CDK5RAP3: variants seen among roughly 807,000 people sequenced by gnomAD.
The protein encoded by CDK5RAP3 is CDK5 regulatory subunit associated protein 3.
In CDK5RAP3, 58 loss-of-function variants were observed where a neutral mutation model predicts 73.3. The observed-to-expected ratio is 0.79, with a 90% CI of 0.64 to 0.98. The LOEUF (loss-of-function observed/expected upper bound fraction) is 0.98, where lower values mean the gene tolerates loss of function less well. Ranked by LOEUF, CDK5RAP3 falls within the 50% of genes least tolerant of loss-of-function variation. CDK5RAP3 has a pLI of 0.00. For missense variants in CDK5RAP3, 525 were observed against 615.8 expected (o/e 0.85, Z 1.56); for synonymous variants, 224 against 247.5 (o/e 0.91, Z 0.89).
intron 2 of CDK5RAP3, among the ~76,000 whole-genome samples, chr17:47,972,085 T>C (rs1201300821): frequency 8.9e-6 from 1 of 112,490 alleles, no homozygotes; most frequent in East Asian, 2.6e-4. Context: ...CCTTTTGCAT[T>C]ATGCCAGGAA....
Position 47,981,551 on chromosome 17 carries a change from A to G in CDK5RAP3, c.*49A>G, listed in dbSNP as rs909456251. The G allele has an allele frequency of 9.3e-6, 15 of 1,614,090 alleles. No individual in the cohort carries two copies. The highest frequency in any genetic ancestry group is 1.3e-5 in the Non-Finnish European group (15 of 1,180,020). On this transcript the variant is annotated 3_prime_UTR_variant, in exon 14 of 14. Transcript: ENST00000338399. ...CATCTTCTCCGCTTTTGGGATGAAGATGATAGCCAGGGCTGTTGTTTTGGG... is the reference window on the plus strand; with the variant it reads ...CATCTTCTCCGCTTTTGGGATGAAGGTGATAGCCAGGGCTGTTGTTTTGGG...
At chr17:47,970,844 C>A (rs2036241844), upstream of CDK5RAP3, 1 of 1,410,890 alleles carries the variant, frequency 7.1e-7, no homozygotes, top group Admixed American at 2.2e-5. Flanking sequence ...TCGAGCGCCG[C>A]CTGTCGCAAT....
intron 4 of CDK5RAP3, 72 bp downstream of exon 4, chr17:47,974,103 CT>C: frequency 5.9e-6 from 6 of 1,016,068 alleles, no homozygotes; most frequent in Non-Finnish European, 9.4e-6. Flanking sequence ...CCTCTGTGGT[CT>C]CTCTGAGGCT....
chr17:47,972,006 C>CA (rs1308809884), intron 2 of CDK5RAP3, among the ~76,000 whole-genome samples: 1 of 149,566 alleles, frequency 6.7e-6, no homozygotes, highest in African/African-American at 2.5e-5. Context: ...AAAAAGAAGA[C>CA]AAAAAACAGT....
chr17:47,972,345 G>C (rs533848487), intron 2 of CDK5RAP3, among the ~76,000 whole-genome samples: 9 of 152,332 alleles, frequency 5.9e-5, no homozygotes, highest in African/African-American at 2.2e-4. Flanking sequence ...CCTTAAGATG[G>C]TGTCTGTTTG....
At chr17:47,970,432 T>A, upstream of CDK5RAP3, 1 of 535,414 alleles carries the variant, frequency 1.9e-6, no homozygotes, top group Non-Finnish European at 3.4e-6. Context: ...CTTGCACCCC[T>A]CTTGCAGTTT....
chr17:47,973,684 C>A, intron 3 of CDK5RAP3, 34 bp downstream of exon 3: 1 of 1,611,128 alleles, frequency 6.2e-7, no homozygotes, highest in South Asian at 1.1e-5. Context: ...GGAGTCCCCT[C>A]TTTGCTGAGG....
chr17:47,974,330 T>C (rs545865973), intron 4 of CDK5RAP3, 70 bp from the exon 5 acceptor site: 4 of 1,307,178 alleles, frequency 3.1e-6, no homozygotes, highest in South Asian at 1.2e-5. Flanking sequence ...TTACCCTGTT[T>C]AGGGATTGAG....
chr17:47,977,641 G>A (rs2036446618), intron 9 of CDK5RAP3, among the ~76,000 whole-genome samples, 191 bp from the exon 10 acceptor site: 1 of 152,158 alleles, frequency 6.6e-6, no homozygotes, highest in South Asian at 2.1e-4. Flanking sequence ...TAGGGGTAAA[G>A]GCAGGTGGGA....
At chr17:47,979,167 C>T (rs2036495704) in intron 11 of CDK5RAP3, 1 of 451,818 alleles carries the variant, frequency 2.2e-6, no homozygotes, top group East Asian at 3.7e-5. Flanking sequence ...TCCTTGACCT[C>T]ATGGAGCTTA....
At chr17:47,968,251 C>T (rs1246433301), upstream of CDK5RAP3, among the ~76,000 whole-genome samples, 3 of 152,102 alleles carry the variant, frequency 2.0e-5, no homozygotes. Context: ...GCCCTTAATT[C>T]AGCTCTATGA....
upstream of CDK5RAP3, among the ~76,000 whole-genome samples, chr17:47,968,455 T>G (rs2036211528): frequency 6.6e-6 from 1 of 150,760 alleles, no homozygotes; most frequent in African/African-American, 2.5e-5. Flanking sequence ...GCTGAGTAGC[T>G]GGGACTGCAG....
intron 10 of CDK5RAP3, 55 bp downstream of exon 10, chr17:47,977,965 A>G (rs1020438234): frequency 7.2e-7 from 1 of 1,380,496 alleles, no homozygotes; most frequent in Non-Finnish European, 1.0e-6. Flanking sequence ...AAGGGCCCCC[A>G]CGTGTCTAGA....
At chr17:47,976,067 C>A in intron 8 of CDK5RAP3, 54 bp downstream of exon 8, 1 of 1,579,662 alleles carries the variant, frequency 6.3e-7, no homozygotes, top group East Asian at 2.3e-5. Flanking sequence ...TGCTTGTCCC[C>A]TCCCCACCCC....
Position 47,981,580 on chromosome 17 carries a change from C to CT in CDK5RAP3, c.*80dup. On this transcript the variant is annotated 3_prime_UTR_variant, in exon 14 of 14. Transcript: ENST00000338399. ...TAGCCAGGGCTGTTGTTTTGGGGCCCTTCAAGGCAAAAGACCAGGCTGACT... is the reference window on the plus strand; with the variant it reads ...TAGCCAGGGCTGTTGTTTTGGGGCCCTTTCAAGGCAAAAGACCAGGCTGACT... The CT allele has an allele frequency of 6.2e-7, 1 of 1,612,662 alleles. No homozygotes were observed. Among genetic ancestry groups the CT allele is most frequent in the Non-Finnish European group, 8.5e-7 (1 of 1,179,690 alleles).
rs2036291537 is a variant in CDK5RAP3, at chr17:47,972,456, G to A, written c.52+1049G>A. ...CAGAGAGAGTATAACTGATACTAGT[G>A]TGGGACCCCAGCGTTTGACCGGTTG... On this transcript the variant is annotated intron_variant, in intron 2 of 13. Coordinates refer to ENST00000338399, the MANE Select transcript of CDK5RAP3 (RefSeq NM_176096.3). 2.0e-5 allele frequency among the ~76,000 whole-genome samples: 3 copies of A among 152,212 alleles called. No homozygotes were observed. The South Asian group carries it at 6.2e-4, about 32-fold the overall frequency.
intron 13 of CDK5RAP3, 48 bp from the exon 14 acceptor site, chr17:47,981,389 G>T: frequency 6.2e-7 from 1 of 1,614,192 alleles, no homozygotes; most frequent in Non-Finnish European, 8.5e-7. Context: ...TGTGCAAAAT[G>T]AGGCCCTGAG....
In CDK5RAP3 at chr17:47,981,344, G is replaced by A. The variant is rs758309173; in HGVS notation, c.1455+10G>A. 1.9e-6 allele frequency: 3 copies of A among 1,613,906 alleles called. No homozygotes were observed. The South Asian group carries it at 3.3e-5, about 18-fold the overall frequency. On this transcript the variant is annotated intron_variant, in intron 13 of 13. Transcript: ENST00000338399. ...GGAGCTGCAGAAGCTGGTGAGATGG[G>A]AAAGGGAGGCCTGCCAGTGGGAGGA...
chr17:47,976,731 G>C lies in CDK5RAP3; in HGVS notation c.818G>C (p.Gly273Ala), dbSNP rs184622940. 6.2e-7 allele frequency: 1 copy of C among 1,612,090 alleles called. No homozygotes were observed. The highest frequency in any genetic ancestry group is 8.5e-7 in the Non-Finnish European group (1 of 1,178,824). The change falls in exon 9 of 14, where the codon GGG becomes GCG. Residue 273 changes from glycine to alanine, a missense_variant. By Grantham distance (60) the Gly-to-Ala change is moderately conservative. Coordinates refer to ENST00000338399, the MANE Select transcript of CDK5RAP3 (RefSeq NM_176096.3). The part of the protein sequence containing the change: ...AEDAIDWGDF[G>A]VEAVSEGTDS... ...TTCCAGATTGACTGGGGCGACTTTG[G>C]GGTAGAGGCAGTGTCTGAGGGGACT...
Sources: gnomAD v4.1 joint callset for allele counts (sites outside exome capture counted in the v4.1 genomes callset) on GRCh38, gnomAD v4.1.1 for gene constraint, MANE v1.5 for transcripts, NCBI Gene and HGNC (gene_info 2026-07-23, HGNC 2026-07-21) for gene names.